Variants in AGBL4 observed in about 807,000 individuals in gnomAD.
AGBL4 encodes the protein cytosolic carboxypeptidase 6.
Under a neutral mutation model 66.4 loss-of-function variants are expected in AGBL4, and 58 were observed. The ratio of observed to expected loss-of-function variants is 0.87; its 90% CI spans 0.71 to 1.09. The LOEUF is 1.09. Ranked by LOEUF, AGBL4 falls within the 50% of genes least tolerant of loss-of-function variation. The pLI is 0.00. For missense variants in AGBL4, 579 were observed against 631.0 expected, an observed-to-expected ratio of 0.92 and a Z score of 0.88; for synonymous variants, 234 against 222.9, an observed-to-expected ratio of 1.05 and a Z score of -0.44.
At chr1:49,400,542 T>C (rs892637518) in intron 3 of AGBL4, among the ~76,000 whole-genome samples, 1 of 152,200 alleles carries the variant, frequency 6.6e-6, no homozygotes, top group African/African-American at 2.4e-5. Context: ...TTTAGGGGTC[T>C]TCTTCAATTT....
At chr1:49,918,138 A>T (rs1330032065) in intron 1 of AGBL4, among the ~76,000 whole-genome samples, 1 of 152,234 alleles carries the variant, frequency 6.6e-6, no homozygotes, top group African/African-American at 2.4e-5. Flanking sequence ...AGCAAGAAAG[A>T]TCTAAAATTG....
At chr1:49,877,274 A>G (rs1402503723) in intron 1 of AGBL4, among the ~76,000 whole-genome samples, 3 of 151,050 alleles carry the variant, frequency 2.0e-5, no homozygotes, top group South Asian at 2.1e-4. Context: ...TTGCCCATTC[A>G]GTATGATATT....
intron 3 of AGBL4, among the ~76,000 whole-genome samples, chr1:49,320,077 G>A (rs1016850541): frequency 4.0e-5 from 6 of 151,884 alleles, no homozygotes; most frequent in South Asian, 2.1e-4. Context: ...GCCCACAGAC[G>A]TATACCACTA....
At chr1:49,255,545 T>C (rs996927473) in intron 3 of AGBL4, among the ~76,000 whole-genome samples, 1 of 152,004 alleles carries the variant, frequency 6.6e-6, no homozygotes, top group Admixed American at 6.6e-5. Context: ...GAAAAAGAAA[T>C]GAGTATACAC....
At chr1:49,515,905 G>A (rs1172074796) in intron 3 of AGBL4, among the ~76,000 whole-genome samples, 1 of 116,264 alleles carries the variant, frequency 8.6e-6, no homozygotes, top group Admixed American at 1.0e-4. Flanking sequence ...GGGGGAGGGG[G>A]GAGGGATAGC....
intron 3 of AGBL4, among the ~76,000 whole-genome samples, chr1:49,585,374 T>C (rs2124020899): frequency 6.6e-6 from 1 of 152,246 alleles, no homozygotes; most frequent in East Asian, 1.9e-4. Flanking sequence ...TAAACAGCTA[T>C]ATTGGAAAAG....
chr1:49,575,710 G>C (rs1002964471), intron 3 of AGBL4, among the ~76,000 whole-genome samples: 1 of 152,178 alleles, frequency 6.6e-6, no homozygotes, highest in African/African-American at 2.4e-5. Flanking sequence ...TACATCTCCT[G>C]GTACCTAGTA....
At chr1:49,695,831 C>T (rs556566548) in intron 3 of AGBL4, among the ~76,000 whole-genome samples, 1 of 151,972 alleles carries the variant, frequency 6.6e-6, no homozygotes, top group African/African-American at 2.4e-5. Flanking sequence ...TGGTGTTGTA[C>T]AAAATTAAAG....
chr1:49,031,805 A>G (rs567148977), intron 5 of AGBL4, among the ~76,000 whole-genome samples: 8 of 152,288 alleles, frequency 5.3e-5, no homozygotes, highest in East Asian at 1.9e-4. Context: ...AGAGCAGTAT[A>G]TAAGACAGAT....
Position 48,858,198 on chromosome 1 carries a change from T to G in AGBL4, c.634+8993A>C, listed in dbSNP as rs192208773. 2.0e-4 allele frequency among the ~76,000 whole-genome samples: 31 copies of G among 152,326 alleles called. No individual in the cohort carries two copies. In the East Asian group the frequency reaches 3.3e-3, roughly 16 times the overall value. The stretch of plus-strand genomic sequence containing the variant: ...ATAATAACAAGTGTCAGAGAGGATG[T>G]GGAGAAACTGGAACTGTCCTCCACT... On this transcript the variant is annotated intron_variant, in intron 6 of 13. Coordinates refer to ENST00000371839, the MANE Select transcript of AGBL4 (RefSeq NM_032785.4).
intron 5 of AGBL4, among the ~76,000 whole-genome samples, chr1:48,941,805 G>A (rs1655996369): frequency 6.6e-6 from 1 of 152,180 alleles, no homozygotes; most frequent in South Asian, 2.1e-4. Context: ...ACTCAAAGAG[G>A]TTAAGTTGCT....
At chr1:50,003,682 G>C (rs1660926746) in intron 1 of AGBL4, among the ~76,000 whole-genome samples, 1 of 152,134 alleles carries the variant, frequency 6.6e-6, no homozygotes, top group African/African-American at 2.4e-5. Context: ...AACAATAAAG[G>C]TCAGAAGGAA....
At chr1:48,689,219 A>AAGAAAAG (rs1553207681) in intron 6 of AGBL4, among the ~76,000 whole-genome samples, 58 of 141,578 alleles carry the variant, frequency 4.1e-4, no homozygotes, top group African/African-American at 1.6e-3. Flanking sequence ...AAAAAAAAAA[A>AAGAAAAG]AAAAGAAAAG....
At chr1:48,812,975 G>A (rs1345964819) in intron 6 of AGBL4, among the ~76,000 whole-genome samples, 12 of 151,456 alleles carry the variant, frequency 7.9e-5, no homozygotes, top group Non-Finnish European at 1.6e-4. Flanking sequence ...TGGGGGGAGA[G>A]GGGAGGGATA....
At chr1:48,724,612 T>C (rs1334980392) in intron 6 of AGBL4, among the ~76,000 whole-genome samples, 2 of 152,210 alleles carry the variant, frequency 1.3e-5, no homozygotes, top group Non-Finnish European at 2.9e-5. Context: ...ATACATATTT[T>C]CACCCTTGGA....
At chr1:49,648,059 T>G (rs1347702604) in intron 3 of AGBL4, among the ~76,000 whole-genome samples, 1 of 152,052 alleles carries the variant, frequency 6.6e-6, no homozygotes, top group Non-Finnish European at 1.5e-5. Context: ...GGTGAAATTA[T>G]TACACCAGCA....
chr1:49,305,892 G>A (rs987232067), intron 3 of AGBL4, among the ~76,000 whole-genome samples: 2 of 152,082 alleles, frequency 1.3e-5, no homozygotes, highest in African/African-American at 4.8e-5. Context: ...GCTTCTCCAT[G>A]TTGGTCAGAC....
At chr1:49,557,357 C>T (rs1405180495) in intron 3 of AGBL4, among the ~76,000 whole-genome samples, 1 of 152,130 alleles carries the variant, frequency 6.6e-6, no homozygotes, top group East Asian at 1.9e-4. Context: ...GTTTTAATTT[C>T]ATATTGTTGA....
chr1:49,768,548 G>A (rs1290719071), intron 2 of AGBL4, among the ~76,000 whole-genome samples: 2 of 152,074 alleles, frequency 1.3e-5, no homozygotes, highest in Admixed American at 6.6e-5. Flanking sequence ...AGCCATCTAT[G>A]ACAAACCCAT....
Sources: gnomAD v4.1 joint callset for allele counts (sites outside exome capture counted in the v4.1 genomes callset) on GRCh38, gnomAD v4.1.1 for gene constraint, MANE v1.5 for transcripts, NCBI Gene and HGNC (gene_info 2026-07-23, HGNC 2026-07-21) for gene names.